The following ZBTB44 variants were observed in gnomAD, a reference collection of about 807,000 sequenced individuals.
The protein encoded by ZBTB44 is zinc finger and BTB domain containing 44.
ZBTB44 carries 15 observed loss-of-function variants against 54.0 expected under a neutral mutation model. The observed-to-expected ratio is 0.28, with a 90% CI of 0.19 to 0.43. ZBTB44 has a LOEUF of 0.43. ZBTB44 is among the 20% of genes least tolerant of loss of function. The pLI, the probability that ZBTB44 is intolerant of heterozygous loss-of-function variation, is 1.00. For synonymous variants in ZBTB44, 230 were observed against 250.1 expected (o/e 0.92, Z 0.76); for missense variants, 487 against 707.1 (o/e 0.69, Z 3.53).
chr11:130,265,603 G>C (rs934854385), intron 1 of ZBTB44, among the ~76,000 whole-genome samples: 4 of 152,160 alleles, frequency 2.6e-5, no homozygotes, highest in African/African-American at 9.7e-5. Context: ...GATAGCAAAG[G>C]ACATATTCTT....
chr11:130,313,475 G>A (rs1209740884), intron 1 of ZBTB44, among the ~76,000 whole-genome samples: 1 of 152,174 alleles, frequency 6.6e-6, no homozygotes, highest in African/African-American at 2.4e-5. Context: ...TCCACTGACA[G>A]TCCAAGTGAA....
At chr11:130,290,695 G>T (rs561966462) in intron 1 of ZBTB44, among the ~76,000 whole-genome samples, 1 of 152,218 alleles carries the variant, frequency 6.6e-6, no homozygotes, top group Non-Finnish European at 1.5e-5. Context: ...AACAGTACTT[G>T]GTACTTTTCA....
intron 1 of ZBTB44, among the ~76,000 whole-genome samples, chr11:130,303,831 A>G (rs1225826946): frequency 6.6e-6 from 1 of 152,156 alleles, no homozygotes; most frequent in Non-Finnish European, 1.5e-5. Flanking sequence ...AAGAATATTC[A>G]ATGTGGAGAC....
chr11:130,306,649 G>A (rs995163528), intron 1 of ZBTB44, among the ~76,000 whole-genome samples: 7 of 151,994 alleles, frequency 4.6e-5, no homozygotes, highest in African/African-American at 9.7e-5. Flanking sequence ...CAAAAATATA[G>A]AACCAACCTA....
At chr11:130,306,828 G>A (rs1942290937) in intron 1 of ZBTB44, among the ~76,000 whole-genome samples, 1 of 152,030 alleles carries the variant, frequency 6.6e-6, no homozygotes, top group South Asian at 2.1e-4. Context: ...ACTTATAAGT[G>A]GGAGCTAAGC....
chr11:130,244,704 CTG>C (rs1363977849), intron 2 of ZBTB44, among the ~76,000 whole-genome samples: 2 of 148,756 alleles, frequency 1.3e-5, no homozygotes, highest in Non-Finnish European at 3.0e-5. Flanking sequence ...AATGTACTAA[CTG>C]TAACAGTTTG....
At chr11:130,254,312 CTACT>C (rs1318409656) in intron 2 of ZBTB44, among the ~76,000 whole-genome samples, 2 of 152,136 alleles carry the variant, frequency 1.3e-5, no homozygotes, top group African/African-American at 2.4e-5. Context: ...TTTTTACAAT[CTACT>C]CAACTGACAA....
intron 2 of ZBTB44, among the ~76,000 whole-genome samples, chr11:130,252,565 TAACA>T (rs1306703120): frequency 9.9e-5 from 15 of 152,140 alleles, no homozygotes; most frequent in African/African-American, 3.6e-4. Context: ...ACGGAAATCG[TAACA>T]AACAGCCTCT....
rs1288583670 is a variant in ZBTB44, at chr11:130,236,769, T to C, written c.1568+24A>G. ...AGAGTTTAGAAAGCAGTTTTCCTGG[T>C]TGGGTTTTCGTTGTGCACCTCACCT... On this transcript the variant is annotated intron_variant, in intron 5 of 7. Coordinates refer to ENST00000357899, the MANE Select transcript of ZBTB44 (RefSeq NM_001301098.2). 1.4e-5 allele frequency: 19 copies of C among 1,320,106 alleles called. No individual in the cohort carries two copies. In the Middle Eastern group the frequency reaches 5.9e-4, roughly 41 times the overall value. 81.8% of individuals were successfully genotyped at this position (1,320,106 alleles called of 1,614,324 possible).
intron 1 of ZBTB44, among the ~76,000 whole-genome samples, chr11:130,283,775 G>A (rs1294221858): frequency 6.6e-6 from 1 of 151,352 alleles, no homozygotes; most frequent in African/African-American, 2.4e-5. Flanking sequence ...AGATCCACCT[G>A]GCCAAAATGG....
intron 2 of ZBTB44, among the ~76,000 whole-genome samples, chr11:130,253,501 C>A (rs1938194114): frequency 6.6e-6 from 1 of 152,128 alleles, no homozygotes; most frequent in African/African-American, 2.4e-5. Flanking sequence ...ACCTAGGAAT[C>A]CAACTTACAA....
chr11:130,265,909 G>A (rs193199624), intron 1 of ZBTB44, among the ~76,000 whole-genome samples: 35 of 152,332 alleles, frequency 2.3e-4, no homozygotes, highest in African/African-American at 7.9e-4. Flanking sequence ...ACCCACAAGT[G>A]CTGATGTCGA....
chr11:130,261,329 C>T lies in ZBTB44; in HGVS notation c.545G>A (p.Arg182Lys), dbSNP rs1183305627. Residue 182 changes from arginine (R) to lysine (K), a missense_variant, in exon 2 of 8, where the codon AGA (arginine) becomes AAA (lysine). Physicochemically the swap from Arg to Lys is conservative, Grantham distance 26 (BLOSUM62 2). Coordinates refer to ENST00000357899, the MANE Select transcript of ZBTB44 (RefSeq NM_001301098.2). The surrounding 1 kb of genome is among the most constrained non-coding windows in gnomAD (Gnocchi z 4.8). ...CATAACAATGTAGCTTTTGCGCTTTCTCCGGGATTCTCGGCAGACAGGAAT... is the reference window on the plus strand; with the variant it reads ...CATAACAATGTAGCTTTTGCGCTTTTTCCGGGATTCTCGGCAGACAGGAAT... ...RTIPVCRESR[R>K]KRKSYIVMSP... 1.1e-5 allele frequency: 18 copies of T among 1,613,810 alleles called. No homozygotes were observed. Among genetic ancestry groups the T allele is most frequent in the Non-Finnish European group, 1.5e-5 (18 of 1,179,902 alleles).
chr11:130,261,214 T>C lies in ZBTB44; in HGVS notation c.660A>G (p.Gln220=). Residue 220 remains glutamine, a synonymous_variant, in exon 2 of 8, where the codon CAA becomes CAG. Coordinates refer to ENST00000357899, the MANE Select transcript of ZBTB44 (RefSeq NM_001301098.2). This position sits in a 1 kb window ranked among gnomAD's most constrained non-coding sequence, Gnocchi z 4.8. ...SSASYSENRN[Q]PVDSSLAFPW... is the part of the protein sequence containing the mutation. ...GAAAAGCTAAGGAAGAGTCAACTGG[T>C]TGGTTTCTATTTTCTGAGTAGGAAG... 6.2e-6 allele frequency: 10 copies of C among 1,613,880 alleles called. No homozygotes were observed. Among genetic ancestry groups the C allele is most frequent in the East Asian group, 2.2e-5 (1 of 44,876 alleles).
rs1344417683 is a variant in ZBTB44 at position 130,237,038 on chromosome 11, C to T, written c.1323G>A (p.Ser441=). Residue 441 remains serine, a synonymous_variant, in exon 5 of 8, where the codon TCG becomes TCA. Transcript: ENST00000357899. ...CATGCTTTAGGCGATGCATCTTTAG[C>T]GAGTAAGCCCTGGTGAACTTTTTCC... ...RCGKKFTRAY[S]LKMHRLKHEG... 1.9e-6 allele frequency: 3 copies of T among 1,605,618 alleles called. No individual in the cohort carries two copies. Among genetic ancestry groups the T allele is most frequent in the Non-Finnish European group, 2.6e-6 (3 of 1,176,196 alleles).
chr11:130,235,856 G>A (rs1395999965), intron 5 of ZBTB44, among the ~76,000 whole-genome samples: 1 of 151,730 alleles, frequency 6.6e-6, no homozygotes, highest in East Asian at 1.9e-4. Flanking sequence ...ACAAATATTA[G>A]CTGGGTGTAG....
chr11:130,275,215 C>A (rs1939969532), intron 1 of ZBTB44, among the ~76,000 whole-genome samples: 1 of 152,158 alleles, frequency 6.6e-6, no homozygotes. Flanking sequence ...CATTTGAGAT[C>A]TTTCTTCTTC....
At chr11:130,284,737 G>A (rs138057680) in intron 1 of ZBTB44, among the ~76,000 whole-genome samples, 184 of 152,226 alleles carry the variant, frequency 1.2e-3, no homozygotes, top group African/African-American at 4.1e-3. Context: ...GTGGTGGCAC[G>A]TGCCTGTAAT....
At chr11:130,298,268 G>A (rs1463428402) in intron 1 of ZBTB44, among the ~76,000 whole-genome samples, 1 of 151,650 alleles carries the variant, frequency 6.6e-6, no homozygotes, top group Admixed American at 6.6e-5. Context: ...TTAGCTTCCT[G>A]AATAGCTGGG....
Sources: allele counts gnomAD v4.1 joint callset (sites outside exome capture counted in the v4.1 genomes callset), GRCh38; gene constraint gnomAD v4.1.1; non-coding constraint Gnocchi (gnomAD v3.1); transcripts MANE v1.5; gene names NCBI Gene and HGNC (gene_info 2026-07-23, HGNC 2026-07-21).